Variants in PI4KA observed in about 807,000 individuals in gnomAD.
PI4KA encodes phosphatidylinositol 4-kinase alpha, also known as PI4-kinase alpha.
Under a neutral mutation model 271.4 loss-of-function variants are expected in PI4KA, and 122 were observed. That is an observed-to-expected ratio of 0.45 (90% confidence interval 0.39 to 0.52). PI4KA has a LOEUF of 0.52. Among genes scored for constraint, PI4KA ranks in the 20% least tolerant of loss-of-function variants. The probability of loss-of-function intolerance (pLI) is 0.00; values close to 1 mark genes in which losing one functional copy is unlikely to be tolerated. For synonymous variants in PI4KA, 1,041 were observed against 1,078.8 expected, an observed-to-expected ratio of 0.96 and a Z score of 0.69; for missense variants, 1,969 against 2,769.1, an observed-to-expected ratio of 0.71 and a Z score of 6.48.
chr22:20,788,308 G>A (rs371504053), intron 19 of PI4KA, among the ~76,000 whole-genome samples: 99 of 152,298 alleles, frequency 6.5e-4, no homozygotes, highest in African/African-American at 2.0e-3. Flanking sequence ...AAGGAGTCCT[G>A]TCACAGGCTT....
intron 45 of PI4KA, among the ~76,000 whole-genome samples, chr22:20,715,475 G>A (rs368924105): frequency 1.4e-4 from 21 of 151,894 alleles, no homozygotes; most frequent in African/African-American, 3.4e-4. Flanking sequence ...TGTCTAAGAC[G>A]TTTCTTTTTT....
At chr22:20,759,305 A>G (rs1931693125) in intron 23 of PI4KA, among the ~76,000 whole-genome samples, 1 of 152,250 alleles carries the variant, frequency 6.6e-6, no homozygotes, top group African/African-American at 2.4e-5. Flanking sequence ...TGGCCTCCCA[A>G]AGTATTGGGA....
chr22:20,824,440 G>A, intron 3 of PI4KA, 26 bp from the exon 4 acceptor site: 1 of 1,535,664 alleles, frequency 6.5e-7, no homozygotes, highest in African/African-American at 1.4e-5. Context: ...ACATAAATCA[G>A]ATAACCAGGA....
intron 19 of PI4KA, chr22:20,779,246 G>T: frequency 6.2e-7 from 1 of 1,609,938 alleles, no homozygotes. Context: ...TGCTGCAGCG[G>T]GGTGTGGATC....
intron 3 of PI4KA, among the ~76,000 whole-genome samples, chr22:20,825,812 A>T (rs1184820335): frequency 1.3e-5 from 2 of 152,162 alleles, no homozygotes; most frequent in Non-Finnish European, 2.9e-5. Context: ...GGTTTGGTGT[A>T]CAGATTATTT....
At chr22:20,793,155 T>C (rs1934757092) in intron 19 of PI4KA, 38 bp downstream of exon 19, 3 of 1,196,652 alleles carry the variant, frequency 2.5e-6, no homozygotes, top group Non-Finnish European at 3.8e-6. Context: ...ATGAACACAG[T>C]ATCTGCAGTT....
chr22:20,858,177 G>A (rs556955892), intron 1 of PI4KA, among the ~76,000 whole-genome samples: 57 of 152,168 alleles, frequency 3.7e-4, no homozygotes, highest in Non-Finnish European at 7.9e-4. Flanking sequence ...ATAAAAAGCA[G>A]GTGAAATCGG....
intron 1 of PI4KA, 146 bp downstream of exon 1, chr22:20,858,424 G>A: frequency 4.9e-6 from 2 of 406,858 alleles, no homozygotes; most frequent in Non-Finnish European, 7.3e-6. Context: ...TCCTTCCCCC[G>A]CTAGATCCCT....
chr22:20,730,261 AATTT>A (rs983978353), intron 36 of PI4KA, among the ~76,000 whole-genome samples: 27 of 138,158 alleles, frequency 2.0e-4, no homozygotes, highest in African/African-American at 5.7e-4. Flanking sequence ...ACCTTTTCAA[AATTT>A]ATTTATTTAT....
rs148493225 is a variant in PI4KA, at chr22:20,718,711, T to A, written c.5228A>T (p.Asn1743Ile). The A allele has an allele frequency of 1.9e-6, 3 of 1,613,506 alleles. No homozygotes were observed. The African/African-American group carries it at 4.0e-5, about 22-fold the overall frequency. The change falls in exon 44 of 55, where the codon AAC (asparagine) becomes ATC (isoleucine). Residue 1743 changes from asparagine to isoleucine, a missense_variant. By Grantham distance (149) the Asn-to-Ile change is moderately radical. Around this residue, in one of 13 missense-constraint regions of PI4KA, gnomAD observed 388 missense variants for 521.5 expected, o/e 0.74. Coordinates refer to ENST00000255882, the MANE Select transcript of PI4KA (RefSeq NM_058004.4). ...CACTTACTTGATGATAGCCGACACG[T>A]TGGTGATCTTGTTAAAGAAATCAAA... is the stretch of plus-strand genomic sequence containing the variant. ...REFDFFNKIT[N>I]VSAIIKPYPK...
At chr22:20,716,879 AC>A (rs1454053880) in intron 45 of PI4KA, among the ~76,000 whole-genome samples, 2 of 152,234 alleles carry the variant, frequency 1.3e-5, no homozygotes, top group African/African-American at 4.8e-5. Flanking sequence ...AGGGCACTCC[AC>A]AGCTGAGACC....
chr22:20,824,252 A>C, intron 4 of PI4KA, 74 bp downstream of exon 4: 2 of 965,128 alleles, frequency 2.1e-6, no homozygotes, highest in Non-Finnish European at 3.3e-6. Flanking sequence ...TCACGTTTTT[A>C]AAATCTTTTC....
At chr22:20,742,137 C>T in intron 32 of PI4KA, 91 bp downstream of exon 32, 1 of 1,383,766 alleles carries the variant, frequency 7.2e-7, no homozygotes, top group Admixed American at 1.9e-5. Context: ...TGCCCAGTGT[C>T]TCCATGCTTG....
chr22:20,785,049 T>C (rs933331834), intron 19 of PI4KA, among the ~76,000 whole-genome samples: 2 of 151,822 alleles, frequency 1.3e-5, no homozygotes, highest in Admixed American at 6.6e-5. Flanking sequence ...CCGGCAGCTC[T>C]TGAGAAAGGG....
intron 12 of PI4KA, among the ~76,000 whole-genome samples, chr22:20,803,906 G>T (rs187352245): frequency 6.6e-6 from 1 of 152,336 alleles, no homozygotes; most frequent in East Asian, 1.9e-4. Flanking sequence ...AACAATGGCA[G>T]GTGTGGAGTC....
In PI4KA at chr22:20,788,906, T is replaced by C. The variant is rs142062712; in HGVS notation, c.2328+4287A>G. Among the ~76,000 whole-genome samples, 525 of 152,314 alleles carry C rather than the reference T, an allele frequency of 3.4e-3. 1 individual carries two copies. The highest frequency in any genetic ancestry group is 5.7e-3 in the Non-Finnish European group (391 of 68,026). ...TAAATGTAATAATCTCAAAAAACCC[T>C]TTTAGTCCTTTGCCATGTCTGTCCC... On this transcript the variant is annotated intron_variant, in intron 19 of 54. Coordinates refer to ENST00000255882, the MANE Select transcript of PI4KA (RefSeq NM_058004.4).
intron 19 of PI4KA, chr22:20,787,567 C>T (rs1053356814): frequency 5.3e-6 from 1 of 189,998 alleles, no homozygotes; most frequent in Non-Finnish European, 1.1e-5. Flanking sequence ...GTGCCCTGGG[C>T]TAATGTTAGG....
intron 19 of PI4KA, among the ~76,000 whole-genome samples, chr22:20,774,308 T>C (rs1422969437): frequency 6.6e-6 from 1 of 152,250 alleles, no homozygotes; most frequent in African/African-American, 2.4e-5. Flanking sequence ...TATAAAATTG[T>C]GTCAGTTCCA....
chr22:20,817,734 C>CAAAAAAA lies in PI4KA; in HGVS notation c.856+742_856+748dup. On this transcript the variant is annotated intron_variant, in intron 7 of 54. Transcript: ENST00000255882. The stretch of plus-strand genomic sequence containing the variant: ...GGGTGGCAGAGTGAGACTCTCTCTC[C>CAAAAAAA]AAAAAAAAAAAAAAAAAAAAAAAAA... Among the ~76,000 whole-genome samples, 39 of 13,972 alleles carry CAAAAAAA rather than the reference C, an allele frequency of 2.8e-3. 13 individuals carry two copies. The highest frequency in any genetic ancestry group is 4.4e-3 in the Non-Finnish European group (33 of 7,462). The allele number at this position is 13,972 out of a possible 152,430, so 9.2% of individuals were successfully genotyped here.
Sources: gnomAD v4.1 joint callset for allele counts (sites outside exome capture counted in the v4.1 genomes callset) on GRCh38, gnomAD v4.1.1 for gene constraint, gnomAD v4.1.1 regional missense constraint, MANE v1.5 for transcripts, NCBI Gene and HGNC (gene_info 2026-07-23, HGNC 2026-07-21) for gene names.